Variants in SEMA3A observed in about 807,000 individuals in gnomAD.
The protein encoded by SEMA3A is semaphorin-3A.
In SEMA3A, 29 loss-of-function variants were observed where a neutral mutation model predicts 97.9. That is an observed-to-expected ratio of 0.30 (90% CI 0.22 to 0.40). SEMA3A has a LOEUF of 0.40. SEMA3A is among the 10% of genes least tolerant of loss of function. SEMA3A has a pLI of 1.00. For synonymous variants in SEMA3A, 321 were observed against 323.7 expected (o/e 0.99, Z 0.09); for missense variants, 763 against 951.3 (o/e 0.80, Z 2.60).
chr7:84,019,449 C>T (rs1791237997), intron 6 of SEMA3A, among the ~76,000 whole-genome samples: 2 of 151,584 alleles, frequency 1.3e-5, no homozygotes, highest in African/African-American at 4.8e-5. Context: ...AGAAAGGATT[C>T]TCACAAGTGG....
At chr7:84,315,572 T>C (rs1177113074) in intron 2 of SEMA3A, among the ~76,000 whole-genome samples, 2 of 152,122 alleles carry the variant, frequency 1.3e-5, no homozygotes, top group Non-Finnish European at 2.9e-5. Context: ...GTGACTTAAA[T>C]CTTTCTCAGA....
At chr7:84,460,717 G>A (rs1922344) in intron 1 of SEMA3A, among the ~76,000 whole-genome samples, 139 of 152,216 alleles carry the variant, frequency 9.1e-4, no homozygotes, top group African/African-American at 3.2e-3. Context: ...TTTATTATAT[G>A]CTTTGCTTTG....
intron 1 of SEMA3A, among the ~76,000 whole-genome samples, chr7:84,377,052 G>A (rs1281047886): frequency 6.6e-6 from 1 of 152,062 alleles, no homozygotes; most frequent in Non-Finnish European, 1.5e-5. Context: ...TTCTGCTTTG[G>A]TTGCTTGTAT....
Position 84,272,244 on chromosome 7 carries a change from T to C in SEMA3A, c.-83+34963A>G, listed in dbSNP as rs149450582. On this transcript the variant is annotated intron_variant, in intron 3 of 3. Transcript: ENST00000424555. ...ATCTATGAAAAAAGAGCAAGATATA[T>C]TGGGAACTGGGGTAATTTCATGTGC... Among the ~76,000 whole-genome samples, 437 of 152,172 alleles carry C rather than the reference T, an allele frequency of 2.9e-3. 3 individuals are homozygous for C. The highest frequency in any genetic ancestry group is 0.01 in the African/African-American group (420 of 41,546).
intron 1 of SEMA3A, among the ~76,000 whole-genome samples, chr7:84,406,638 T>A (rs999503355): frequency 5.3e-5 from 8 of 152,244 alleles, no homozygotes; most frequent in Middle Eastern, 3.4e-3. Flanking sequence ...TGAACATTGA[T>A]GCAAAAATCC....
intron 1 of SEMA3A, among the ~76,000 whole-genome samples, chr7:84,485,530 A>T (rs1156638465): frequency 4.0e-5 from 6 of 151,604 alleles, no homozygotes; most frequent in African/African-American, 1.5e-4. Flanking sequence ...CCCACACACC[A>T]CTCCTAATAT....
At chr7:84,040,068 A>G (rs1279368140) in intron 6 of SEMA3A, among the ~76,000 whole-genome samples, 2 of 152,076 alleles carry the variant, frequency 1.3e-5, no homozygotes, top group African/African-American at 4.8e-5. Flanking sequence ...TTTAAATATT[A>G]TATGACCTTT....
chr7:83,983,220 TTTTTCTTTCTTTCTTTC>T (rs1789495207), intron 13 of SEMA3A, among the ~76,000 whole-genome samples: 1 of 117,760 alleles, frequency 8.5e-6, no homozygotes, highest in South Asian at 2.4e-4. Context: ...TTTCCTTTTC[TTTTTCTTTCTTTCTTTC>T]TTTTCTTTCT....
At chr7:84,129,726 T>C (rs1205482715) in intron 2 of SEMA3A, among the ~76,000 whole-genome samples, 1 of 151,902 alleles carries the variant, frequency 6.6e-6, no homozygotes, top group Non-Finnish European at 1.5e-5. Context: ...TCTTGACTTT[T>C]TTTTTTTTTT....
chr7:84,475,845 T>G (rs1275257260), intron 1 of SEMA3A, among the ~76,000 whole-genome samples: 1 of 152,216 alleles, frequency 6.6e-6, no homozygotes, highest in East Asian at 1.9e-4. Context: ...CAGTTCTCCC[T>G]AAAATGTTTC....
intron 1 of SEMA3A, among the ~76,000 whole-genome samples, chr7:84,402,346 C>G (rs979143865): frequency 6.6e-6 from 1 of 152,118 alleles, no homozygotes; most frequent in Non-Finnish European, 1.5e-5. Context: ...AACATAACAA[C>G]TGCTGGCAAC....
chr7:84,286,063 A>T (rs1319971695), intron 3 of SEMA3A, among the ~76,000 whole-genome samples: 3 of 152,086 alleles, frequency 2.0e-5, no homozygotes, highest in Non-Finnish European at 4.4e-5. Context: ...TCAATGTATA[A>T]ACTGTAAGGA....
chr7:84,306,832 G>T (rs1801168523), intron 3 of SEMA3A, among the ~76,000 whole-genome samples: 1 of 152,090 alleles, frequency 6.6e-6, no homozygotes. Flanking sequence ...TGTAGAAGGA[G>T]CAGGTTAGCC....
intron 6 of SEMA3A, 56 bp downstream of exon 6, chr7:84,046,268 G>A: frequency 6.3e-7 from 1 of 1,588,136 alleles, no homozygotes; most frequent in Non-Finnish European, 8.6e-7. Flanking sequence ...GAGTTCTCTA[G>A]TAACTTAATA....
chr7:84,329,255 G>A (rs1801851492), intron 2 of SEMA3A, among the ~76,000 whole-genome samples: 1 of 152,020 alleles, frequency 6.6e-6, no homozygotes, highest in Non-Finnish European at 1.5e-5. Context: ...GTAATTTTCT[G>A]TTTCAAACCA....
At chr7:84,475,698 T>C (rs1199049584) in intron 1 of SEMA3A, among the ~76,000 whole-genome samples, 4 of 152,198 alleles carry the variant, frequency 2.6e-5, no homozygotes, top group Non-Finnish European at 5.9e-5. Flanking sequence ...AAATAATTTG[T>C]TAACTTACAG....
intron 2 of SEMA3A, among the ~76,000 whole-genome samples, chr7:84,350,719 A>C (rs983422162): frequency 9.9e-5 from 15 of 152,208 alleles, no homozygotes; most frequent in Non-Finnish European, 2.1e-4. Context: ...TGCTTAAACC[A>C]AAGAATGATC....
rs562208060 is a variant in SEMA3A, at chr7:83,997,262, A to T, written c.1452+4693T>A. Among the ~76,000 whole-genome samples the T allele has an allele frequency of 5.9e-5, 9 of 152,284 alleles. No individual in the cohort carries two copies. The South Asian group carries it at 1.5e-3, about 25-fold the overall frequency. Reference sequence around the variant, plus strand: ...TTACCTTTTCTATTTACCTTGTCAAACTATCCCTGACCTTTTTTATAGTAT... The same window carrying T: ...TTACCTTTTCTATTTACCTTGTCAATCTATCCCTGACCTTTTTTATAGTAT... On this transcript the variant is annotated intron_variant, in intron 12 of 16. Coordinates refer to ENST00000265362, the MANE Select transcript of SEMA3A (RefSeq NM_006080.3).
chr7:84,084,728 AT>A (rs769679907), intron 4 of SEMA3A, among the ~76,000 whole-genome samples: 2 of 152,096 alleles, frequency 1.3e-5, no homozygotes, highest in Non-Finnish European at 2.9e-5. Context: ...TCTATGTGAC[AT>A]AAAAAGTTCT....
Sources: gnomAD v4.1 joint callset for allele counts (sites outside exome capture counted in the v4.1 genomes callset) on GRCh38, gnomAD v4.1.1 for gene constraint, MANE v1.5 for transcripts, NCBI Gene and HGNC (gene_info 2026-07-23, HGNC 2026-07-21) for gene names.